Variants in RAB3C observed in about 807,000 individuals in gnomAD.
RAB3C encodes the protein ras-related protein Rab-3C.
Under a neutral mutation model 26.4 loss-of-function variants are expected in RAB3C, and 17 were observed. That is an observed-to-expected ratio of 0.64 (90% confidence interval 0.44 to 0.97). The LOEUF (loss-of-function observed/expected upper bound fraction) is 0.97. RAB3C is among the 50% of genes least tolerant of loss of function. The pLI, the probability that RAB3C is intolerant of heterozygous loss-of-function variation, is 0.00. For missense variants in RAB3C, 242 were observed against 281.9 expected, an observed-to-expected ratio of 0.86 and a Z score of 1.01; for synonymous variants, 91 against 95.9, an observed-to-expected ratio of 0.95 and a Z score of 0.30.
In RAB3C at chr5:58,591,604, AT is replaced by A. The variant is rs34172253; in HGVS notation, c.24+8373del. On this transcript the variant is annotated intron_variant, in intron 1 of 4. Coordinates refer to ENST00000282878, the MANE Select transcript of RAB3C (RefSeq NM_138453.4). The stretch of plus-strand genomic sequence containing the variant: ...TTTCATAGTATATATATATATATAT[AT>A]ATAATTTTATTTATTTTCAACTTAT... Among the ~76,000 whole-genome samples the A allele has an allele frequency of 8.8e-4, 130 of 147,400 alleles. 1 individual carries two copies. The highest frequency in any genetic ancestry group is 6.3e-3 in the South Asian group (30 of 4,746).
Position 58,855,646 on chromosome 5 carries a change from C to A in RAB3C, c.*4295C>A, listed in dbSNP as rs1027649372. 2.0e-5 allele frequency: 3 copies of A among 152,146 alleles called. No individual in the cohort carries two copies. Among genetic ancestry groups the A allele is most frequent in the South Asian group, 2.1e-4 (1 of 4,824 alleles). 9.4% of individuals were successfully genotyped at this position (152,146 alleles called of 1,614,324 possible). A position where few individuals can be genotyped will look rare whatever the true frequency, so the allele number is the denominator to read the frequency against. ...GGTGAAGTCTTTCTGATATGCTGAA[C>A]CTTTGAGCCAGCTTTTGGGAGTTCT... On this transcript the variant is annotated 3_prime_UTR_variant, in exon 5 of 5. Transcript: ENST00000282878.
intron 2 of RAB3C, among the ~76,000 whole-genome samples, chr5:58,623,052 C>A (rs1340827074): frequency 6.6e-6 from 1 of 152,184 alleles, no homozygotes; most frequent in Non-Finnish European, 1.5e-5. Context: ...TTTATAGTTA[C>A]AGAAAAGAAC....
chr5:58,690,501 T>A (rs2111857380), intron 2 of RAB3C, among the ~76,000 whole-genome samples: 1 of 152,302 alleles, frequency 6.6e-6, no homozygotes, highest in East Asian at 1.9e-4. Context: ...AGACAGCTAG[T>A]GTTGGCTGCA....
intron 4 of RAB3C, among the ~76,000 whole-genome samples, chr5:58,840,283 T>C (rs148327406): frequency 6.6e-6 from 1 of 152,254 alleles, no homozygotes; most frequent in East Asian, 1.9e-4. Context: ...TTTTTTTATT[T>C]TAGTCATTGG....
intron 2 of RAB3C, among the ~76,000 whole-genome samples, chr5:58,631,202 A>G (rs1287047128): frequency 6.6e-6 from 1 of 152,204 alleles, no homozygotes; most frequent in Non-Finnish European, 1.5e-5. Flanking sequence ...AATCTGGCTC[A>G]CTGGAGCAAC....
chr5:58,593,875 G>C (rs62367845), intron 1 of RAB3C, among the ~76,000 whole-genome samples: 1,958 of 152,288 alleles, frequency 0.013, 115 homozygotes, highest in Admixed American at 0.11. Context: ...GTACTCTCCA[G>C]CAAGCTGGTT....
chr5:58,843,480 C>T (rs1743919476), intron 4 of RAB3C, among the ~76,000 whole-genome samples: 1 of 152,172 alleles, frequency 6.6e-6, no homozygotes, highest in East Asian at 1.9e-4. Context: ...TAACCCATTT[C>T]AGAGAAAAAA....
At chr5:58,729,186 T>C (rs1740949437) in intron 3 of RAB3C, among the ~76,000 whole-genome samples, 1 of 152,054 alleles carries the variant, frequency 6.6e-6, no homozygotes, top group Non-Finnish European at 1.5e-5. Flanking sequence ...TTAATCATTT[T>C]TCCCCATTAC....
At chr5:58,770,370 T>C (rs572426386) in intron 3 of RAB3C, among the ~76,000 whole-genome samples, 3 of 152,138 alleles carry the variant, frequency 2.0e-5, no homozygotes, top group East Asian at 3.9e-4. Context: ...CGGGGAAATA[T>C]GGTTTTTCAG....
chr5:58,626,222 C>G (rs577636068), intron 2 of RAB3C, among the ~76,000 whole-genome samples: 4 of 152,056 alleles, frequency 2.6e-5, no homozygotes, highest in African/African-American at 9.7e-5. Context: ...TTCTTATAAA[C>G]CATGTTCATT....
In RAB3C at chr5:58,599,083, G is replaced by A. The variant is rs548298032; in HGVS notation, c.24+15851G>A. 3.3e-5 allele frequency among the ~76,000 whole-genome samples: 5 copies of A among 152,246 alleles called. No homozygotes were observed. The South Asian group carries it at 8.3e-4, about 25-fold the overall frequency. ...ACAAAAACCTTGCCTAAATGTTCAT[G>A]AGTAGCAAAGGAGCAAATAGCAGGG... On this transcript the variant is annotated intron_variant, in intron 1 of 4. Coordinates refer to ENST00000282878, the MANE Select transcript of RAB3C (RefSeq NM_138453.4).
chr5:58,747,562 T>G (rs1741426812), intron 3 of RAB3C, among the ~76,000 whole-genome samples: 1 of 152,068 alleles, frequency 6.6e-6, no homozygotes, highest in East Asian at 1.9e-4. Flanking sequence ...ATGCTATTAT[T>G]TAGTCAAAAT....
chr5:58,774,956 CT>C (rs1742096348), intron 3 of RAB3C, among the ~76,000 whole-genome samples: 1 of 152,038 alleles, frequency 6.6e-6, no homozygotes, highest in African/African-American at 2.4e-5. Flanking sequence ...GGCTTTTGCT[CT>C]GGGGAAAATG....
intron 3 of RAB3C, among the ~76,000 whole-genome samples, chr5:58,794,041 G>A (rs767278835): frequency 1.4e-4 from 22 of 152,042 alleles, no homozygotes; most frequent in Non-Finnish European, 2.9e-4. Context: ...TGAAGCCTCC[G>A]GTTTGAGAGG....
intron 2 of RAB3C, among the ~76,000 whole-genome samples, chr5:58,698,183 A>G (rs920412956): frequency 2.0e-5 from 3 of 152,162 alleles, no homozygotes; most frequent in African/African-American, 7.2e-5. Context: ...TTCACTTGTG[A>G]AGGTAATTTT....
intron 3 of RAB3C, among the ~76,000 whole-genome samples, chr5:58,793,149 A>C (rs12521730): frequency 0.67 from 102,149 of 151,976 alleles, 35,810 homozygotes; most frequent in Non-Finnish European, 0.79. Context: ...CACAGCCTCA[A>C]ACCTCTCAGT....
intron 3 of RAB3C, chr5:58,741,750 A>G (rs1448047719): frequency 2.0e-5 from 3 of 152,174 alleles, no homozygotes; most frequent in Non-Finnish European, 4.4e-5. Context: ...CACACCTGTA[A>G]TCCTAGCATT....
chr5:58,668,013 T>C lies in RAB3C; in HGVS notation c.252+50143T>C, dbSNP rs558837708. 1.0e-3 allele frequency among the ~76,000 whole-genome samples: 158 copies of C among 152,310 alleles called. 1 individual carries two copies. Among genetic ancestry groups the C allele is most frequent in the African/African-American group, 3.4e-3 (143 of 41,576 alleles). ...AACAAACAAAACCCAGTTTTGATTC[T>C]TGTAACTTGGGTGTAAACTATGGAG... is the stretch of plus-strand genomic sequence containing the variant. On this transcript the variant is annotated intron_variant, in intron 2 of 4. Transcript: ENST00000282878.
Position 58,839,289 on chromosome 5 carries a change from A to G in RAB3C, c.497-11875A>G, listed in dbSNP as rs185705630. 6.0e-5 allele frequency among the ~76,000 whole-genome samples: 9 copies of G among 149,550 alleles called. No homozygotes were observed. The East Asian group carries it at 1.8e-3, about 30-fold the overall frequency. On this transcript the variant is annotated intron_variant, in intron 4 of 4. Coordinates refer to ENST00000282878, the MANE Select transcript of RAB3C (RefSeq NM_138453.4). The stretch of plus-strand genomic sequence containing the variant: ...TTGTTTTATATATCTTTTGTTTCTT[A>G]TTTCCTCTTTTATTATTTATTTTTG...
Sources: gnomAD v4.1 joint callset for allele counts (sites outside exome capture counted in the v4.1 genomes callset) on GRCh38, gnomAD v4.1.1 for gene constraint, MANE v1.5 for transcripts, NCBI Gene and HGNC (gene_info 2026-07-23, HGNC 2026-07-21) for gene names.